Variants in AFAP1 observed in about 807,000 individuals in gnomAD.
The protein encoded by AFAP1 is actin filament-associated protein 1.
Under a neutral mutation model 93.9 loss-of-function variants are expected in AFAP1, and 75 were observed. The ratio of observed to expected loss-of-function variants is 0.80; its 90% CI spans 0.66 to 0.97. The LOEUF is 0.97. AFAP1 is among the 50% of genes least tolerant of loss of function. The pLI is 0.00. For missense variants in AFAP1, 1,201 were observed against 1,050.8 expected (o/e 1.14, Z -1.98); for synonymous variants, 517 against 430.7 (o/e 1.20, Z -2.48).
intron 10 of AFAP1, among the ~76,000 whole-genome samples, chr4:7,798,411 G>A (rs1403849110): frequency 1.3e-5 from 2 of 148,676 alleles, no homozygotes; most frequent in Non-Finnish European, 3.0e-5. Flanking sequence ...TCACAGCACT[G>A]CAACTCTATT....
chr4:7,889,559 G>T (rs73210883), intron 1 of AFAP1, among the ~76,000 whole-genome samples: 1 of 113,780 alleles, frequency 8.8e-6, no homozygotes, highest in Non-Finnish European at 1.8e-5. Flanking sequence ...AAAAAAAAAA[G>T]AAAAAAAAAA....
chr4:7,827,952 A>G (rs1430393922), intron 6 of AFAP1, among the ~76,000 whole-genome samples: 2 of 152,220 alleles, frequency 1.3e-5, no homozygotes, highest in Admixed American at 1.3e-4. Flanking sequence ...TTTTGTTTTA[A>G]TAACTTCTTT....
At chr4:7,917,807 G>C (rs1222122508) in intron 1 of AFAP1, among the ~76,000 whole-genome samples, 2 of 152,192 alleles carry the variant, frequency 1.3e-5, no homozygotes, top group Non-Finnish European at 2.9e-5. Context: ...GGGGCTATTA[G>C]CTTTCCTCCT....
intron 6 of AFAP1, among the ~76,000 whole-genome samples, chr4:7,837,011 C>T (rs1197789444): frequency 6.6e-6 from 1 of 152,118 alleles, no homozygotes; most frequent in South Asian, 2.1e-4. Flanking sequence ...TACAGCACAA[C>T]AGACAACAGA....
chr4:7,804,998 C>CTGG (rs1719380096), intron 9 of AFAP1, among the ~76,000 whole-genome samples: 1 of 152,126 alleles, frequency 6.6e-6, no homozygotes, highest in Non-Finnish European at 1.5e-5. Context: ...GGCAGAGGAG[C>CTGG]TGGTACACTA....
intron 10 of AFAP1, among the ~76,000 whole-genome samples, chr4:7,796,528 T>G (rs182297574): frequency 4.1e-4 from 62 of 151,582 alleles, no homozygotes; most frequent in African/African-American, 1.5e-3. Context: ...GGCGGGCGGA[T>G]CATGAGGTCA....
At chr4:7,875,620 C>CA (rs796481960) in intron 1 of AFAP1, among the ~76,000 whole-genome samples, 888 of 69,210 alleles carry the variant, frequency 0.013, 3 homozygotes, top group African/African-American at 0.037. Context: ...CCCTGACTCT[C>CA]AAAAAAAAAA....
At chr4:7,796,890 T>G (rs943445600) in intron 10 of AFAP1, among the ~76,000 whole-genome samples, 2 of 133,112 alleles carry the variant, frequency 1.5e-5, no homozygotes, top group African/African-American at 3.2e-5. Flanking sequence ...TGAAACCCCG[T>G]CTCTACTAAA....
Position 7,809,711 on chromosome 4 carries a change from G to A in AFAP1, c.957C>T (p.Val319=). 1 of 1,612,934 alleles carries A rather than the reference G, an allele frequency of 6.2e-7. No homozygotes were observed. Among genetic ancestry groups the A allele is most frequent in the South Asian group, 1.1e-5 (1 of 90,948 alleles). ...TGATCTTGGTGATTTTTTTCCCAGT[G>A]ACTTTCGACACAGTGCCCTTGGCCT... ...KSEAKGTVSK[V]TGKKITKIIS... The change falls in exon 9 of 18, where the codon GTC becomes GTT. Residue 319 remains valine (V), a synonymous_variant. Coordinates refer to ENST00000420658, the MANE Select transcript of AFAP1 (RefSeq NM_001134647.2).
intron 5 of AFAP1, among the ~76,000 whole-genome samples, chr4:7,840,643 T>C (rs1712903123): frequency 6.6e-6 from 1 of 152,258 alleles, no homozygotes; most frequent in African/African-American, 2.4e-5. Flanking sequence ...TCCAGGACTT[T>C]GAAGTACACA....
intron 6 of AFAP1, among the ~76,000 whole-genome samples, chr4:7,823,202 T>C (rs1481161704): frequency 1.3e-5 from 2 of 152,052 alleles, no homozygotes; most frequent in Non-Finnish European, 2.9e-5. Flanking sequence ...TGGGCCTTGC[T>C]TTTGTCACTG....
At chr4:7,904,476 A>G (rs1403012752) in intron 1 of AFAP1, among the ~76,000 whole-genome samples, 1 of 152,176 alleles carries the variant, frequency 6.6e-6, no homozygotes, top group Non-Finnish European at 1.5e-5. Flanking sequence ...AAATGTTGAA[A>G]TAATAACATT....
intron 11 of AFAP1, among the ~76,000 whole-genome samples, chr4:7,787,929 C>G (rs1223701882): frequency 6.6e-6 from 1 of 152,078 alleles, no homozygotes; most frequent in Non-Finnish European, 1.5e-5. Flanking sequence ...CCTGACACCC[C>G]TCGCACCCAG....
At chr4:7,793,051 C>T (rs907893484) in intron 11 of AFAP1, among the ~76,000 whole-genome samples, 1 of 152,214 alleles carries the variant, frequency 6.6e-6, no homozygotes, top group Non-Finnish European at 1.5e-5. Context: ...TCTGGAAAAT[C>T]TCCAGGGGTT....
chr4:7,918,598 G>A (rs1310334676), intron 1 of AFAP1, among the ~76,000 whole-genome samples: 13 of 118,404 alleles, frequency 1.1e-4, no homozygotes, highest in South Asian at 3.2e-4. Context: ...CAGGGCTGCC[G>A]GAAGAGACAC....
At chr4:7,808,544 T>C (rs1351370845) in intron 9 of AFAP1, among the ~76,000 whole-genome samples, 1 of 151,014 alleles carries the variant, frequency 6.6e-6, no homozygotes, top group African/African-American at 2.4e-5. Context: ...GATGACTTAC[T>C]GGATGAAAGA....
chr4:7,775,734 A>G (rs1007686558), intron 14 of AFAP1: 7 of 152,258 alleles, frequency 4.6e-5, no homozygotes, highest in Non-Finnish European at 1.0e-4. Context: ...GGAACAGGGC[A>G]CGAATCCCTC....
At chr4:7,918,979 C>T (rs111268626) in intron 1 of AFAP1, among the ~76,000 whole-genome samples, 5 of 55,074 alleles carry the variant, frequency 9.1e-5, no homozygotes, top group African/African-American at 6.1e-4. Flanking sequence ...AAGAGACACT[C>T]GGCCCAGGTC....
intron 15 of AFAP1, 106 bp from the exon 16 acceptor site, chr4:7,773,116 C>T (rs540004345): frequency 8.2e-6 from 12 of 1,462,152 alleles, no homozygotes; most frequent in East Asian, 2.5e-5. Flanking sequence ...CGTCTGAGGT[C>T]GAGCTCCCCT....
Sources: allele counts gnomAD v4.1 joint callset (sites outside exome capture counted in the v4.1 genomes callset), GRCh38; gene constraint gnomAD v4.1.1; transcripts MANE v1.5; gene names NCBI Gene and HGNC (gene_info 2026-07-23, HGNC 2026-07-21).